The following FAR2 variants were observed in gnomAD, a reference collection of about 807,000 sequenced individuals.
The protein encoded by FAR2 is fatty acyl-CoA reductase 2, also known as epididymis secretory protein Li 81.
In FAR2, 19 loss-of-function variants were observed where a neutral mutation model predicts 56.0. The ratio of observed to expected loss-of-function variants is 0.34; its 90% CI spans 0.24 to 0.50. The LOEUF is 0.50. Among genes scored for constraint, FAR2 ranks in the 20% least tolerant of loss-of-function variants. The pLI, the probability that FAR2 is intolerant of heterozygous loss-of-function variation, is 0.98. For synonymous variants in FAR2, 219 were observed against 218.8 expected (o/e 1.00, Z -0.01); for missense variants, 508 against 642.2 (o/e 0.79, Z 2.26).
intron 1 of FAR2, among the ~76,000 whole-genome samples, chr12:29,163,864 C>G (rs1353559315): frequency 1.3e-5 from 2 of 152,176 alleles, no homozygotes; most frequent in Non-Finnish European, 2.9e-5. Context: ...AACAGGAGCC[C>G]TATTGCCTAG....
chr12:29,211,417 T>C (rs1947546202), intron 1 of FAR2, among the ~76,000 whole-genome samples: 2 of 152,240 alleles, frequency 1.3e-5, no homozygotes, highest in Admixed American at 6.5e-5. Context: ...ATGAAATGCA[T>C]ATACATTATT....
intron 1 of FAR2, among the ~76,000 whole-genome samples, chr12:29,216,177 T>C (rs1337203264): frequency 6.6e-6 from 1 of 152,164 alleles, no homozygotes; most frequent in Non-Finnish European, 1.5e-5. Flanking sequence ...CTAGAAACAG[T>C]TCTCATCTGA....
At chr12:29,181,514 G>A (rs540889550) in intron 1 of FAR2, among the ~76,000 whole-genome samples, 105 of 152,150 alleles carry the variant, frequency 6.9e-4, no homozygotes, top group Non-Finnish European at 1.3e-3. Flanking sequence ...AACTTTCAGT[G>A]CCTCTCCTCC....
At chr12:29,320,004 C>T (rs1949525615) in intron 9 of FAR2, among the ~76,000 whole-genome samples, 1 of 152,076 alleles carries the variant, frequency 6.6e-6, no homozygotes, top group South Asian at 2.1e-4. Context: ...GACTTCAAGA[C>T]CAGACTAGGC....
At chr12:29,290,719 G>A (rs1475375239) in intron 2 of FAR2, among the ~76,000 whole-genome samples, 2 of 152,144 alleles carry the variant, frequency 1.3e-5, no homozygotes, top group Admixed American at 6.5e-5. Flanking sequence ...TGGAAATGGA[G>A]GTCATTATGC....
chr12:29,322,096 C>T (rs1200047965), intron 10 of FAR2, among the ~76,000 whole-genome samples, 172 bp downstream of exon 10: 5 of 152,204 alleles, frequency 3.3e-5, no homozygotes, highest in Non-Finnish European at 5.9e-5. Flanking sequence ...CCGTAGGAAA[C>T]AAGTTTAATG....
At chr12:29,299,213 CA>C (rs71042981) in intron 4 of FAR2, among the ~76,000 whole-genome samples, 12,037 of 103,534 alleles carry the variant, frequency 0.12, 398 homozygotes, top group Middle Eastern at 0.17. Flanking sequence ...AACTTTGTCT[CA>C]AAAAAAAAAA....
chr12:29,264,718 G>A (rs903268438), intron 1 of FAR2, among the ~76,000 whole-genome samples: 9 of 151,524 alleles, frequency 5.9e-5, no homozygotes, highest in Admixed American at 4.6e-4. Context: ...CAGCTAAATT[G>A]GAAAGGAAGA....
intron 2 of FAR2, among the ~76,000 whole-genome samples, chr12:29,275,398 G>A (rs1225076222): frequency 6.6e-6 from 1 of 152,126 alleles, no homozygotes; most frequent in Non-Finnish European, 1.5e-5. Context: ...GGCAGGAACC[G>A]GCCATCTGGA....
At chr12:29,294,472 C>G (rs925953035) in intron 3 of FAR2, among the ~76,000 whole-genome samples, 1 of 152,068 alleles carries the variant, frequency 6.6e-6, no homozygotes, top group Non-Finnish European at 1.5e-5. Flanking sequence ...CTCAGCCTCC[C>G]AAGTAGTTGG....
chr12:29,298,988 T>C (rs1949114715), intron 4 of FAR2, among the ~76,000 whole-genome samples: 1 of 151,780 alleles, frequency 6.6e-6, no homozygotes, highest in Non-Finnish European at 1.5e-5. Context: ...CCGAGGTGGG[T>C]GGATCACCCG....
At chr12:29,216,285 A>G (rs1253112681) in intron 1 of FAR2, among the ~76,000 whole-genome samples, 2 of 152,202 alleles carry the variant, frequency 1.3e-5, no homozygotes, top group Non-Finnish European at 2.9e-5. Flanking sequence ...CGTCCCACCC[A>G]ATGACTGCTC....
At chr12:29,315,202 AG>A (rs1168847222) in intron 8 of FAR2, among the ~76,000 whole-genome samples, 1 of 152,198 alleles carries the variant, frequency 6.6e-6, no homozygotes, top group Non-Finnish European at 1.5e-5. Context: ...GAAAGAAGTG[AG>A]GGGGCAAATC....
At chr12:29,245,426 T>G (rs1243277632) in intron 1 of FAR2, among the ~76,000 whole-genome samples, 1 of 152,238 alleles carries the variant, frequency 6.6e-6, no homozygotes, top group Non-Finnish European at 1.5e-5. Context: ...CTGCTTTATT[T>G]ATGTGTCAGT....
rs147515830 is a variant in FAR2 at position 29,152,193 on chromosome 12, A to T, written c.-39+2786A>T. ...TGGGTCTAATTCATCCAAACGTCGA[A>T]CGGTGAGAAAATGAGCCAATGACTG... is the stretch of plus-strand genomic sequence containing the variant. On this transcript the variant is annotated intron_variant, in intron 1 of 11. Coordinates refer to ENST00000536681, the MANE Select transcript of FAR2 (RefSeq NM_001271783.2). Among the ~76,000 whole-genome samples, 17 of 152,338 alleles carry T rather than the reference A, an allele frequency of 1.1e-4. No homozygotes were observed. The East Asian group carries it at 3.1e-3, about 28-fold the overall frequency.
At chr12:29,230,278 C>T (rs1947836044) in intron 1 of FAR2, among the ~76,000 whole-genome samples, 1 of 152,010 alleles carries the variant, frequency 6.6e-6, no homozygotes. Flanking sequence ...AGGGATCAGC[C>T]TTTCAGCTGA....
rs565479656 is a variant in FAR2, at chr12:29,218,177, A to C, written c.-38-52235A>C. On this transcript the variant is annotated intron_variant, in intron 1 of 11. Coordinates refer to ENST00000536681, the MANE Select transcript of FAR2 (RefSeq NM_001271783.2). Reference sequence around the variant, plus strand: ...CCAGACCATCCTGGCTAACACGGTAAAACCTTGTCTCTACTAAAAAATACA... The same window carrying C: ...CCAGACCATCCTGGCTAACACGGTACAACCTTGTCTCTACTAAAAAATACA... Among the ~76,000 whole-genome samples the C allele has an allele frequency of 3.3e-5, 5 of 152,220 alleles. No homozygotes were observed. In the East Asian group the frequency reaches 9.7e-4, roughly 29 times the overall value.
intron 2 of FAR2, among the ~76,000 whole-genome samples, chr12:29,281,879 T>C (rs1003514840): frequency 6.6e-6 from 1 of 151,806 alleles, no homozygotes; most frequent in East Asian, 1.9e-4. Flanking sequence ...GAAAAAAAAA[T>C]TGGGTAATAA....
chr12:29,293,818 A>G (rs1949012334), intron 3 of FAR2, among the ~76,000 whole-genome samples: 1 of 152,200 alleles, frequency 6.6e-6, no homozygotes, highest in South Asian at 2.1e-4. Context: ...ATTACATGAC[A>G]TTCCATTGTA....
Sources: allele counts gnomAD v4.1 joint callset (sites outside exome capture counted in the v4.1 genomes callset), GRCh38; gene constraint gnomAD v4.1.1; transcripts MANE v1.5; gene names NCBI Gene and HGNC (gene_info 2026-07-23, HGNC 2026-07-21).